The following WDR90 variants were observed in gnomAD, a reference collection of about 807,000 sequenced individuals.
WDR90 encodes the protein WD repeat-containing protein 90.
A neutral mutation model predicts 195.2 loss-of-function variants in WDR90; 238 were observed. The ratio of observed to expected loss-of-function variants is 1.22; its 90% CI spans 1.10 to 1.36. WDR90 has a LOEUF of 1.36. Ranked by LOEUF, WDR90 falls within the 40% of genes most tolerant of loss-of-function variation. The probability of loss-of-function intolerance (pLI) is 0.00; values close to 1 mark genes in which losing one functional copy is unlikely to be tolerated. For missense variants in WDR90, 2,734 were observed against 2,439.5 expected (o/e 1.12, Z -2.54); for synonymous variants, 1,265 against 1,052.4 (o/e 1.20, Z -3.91).
In WDR90 at chr16:655,351, G is replaced by A. The variant is rs755923953; in HGVS notation, c.1601G>A (p.Arg534His). 39 of 1,602,204 alleles carry A rather than the reference G, an allele frequency of 2.4e-5. No individual in the cohort carries two copies. Among genetic ancestry groups the A allele is most frequent in the South Asian group, 9.9e-5 (9 of 90,934 alleles). The change falls in exon 15 of 41, where the codon CGT becomes CAT. Residue 534 changes from arginine (R) to histidine (H), a missense_variant. Coordinates refer to ENST00000293879, the MANE Select transcript of WDR90 (RefSeq NM_145294.5). ...GQGSVRLWRL[R>H]GGVLRSCPVD... The stretch of plus-strand genomic sequence containing the variant: ...GGCAGTGTGCGGCTCTGGCGGCTGC[G>A]TGGCGGGGTGCTGCGTTCCTGCCCC...
rs750251087 is a variant in WDR90 at position 666,777 on chromosome 16, C to T, written c.4989C>T (p.Asn1663=). The T allele has an allele frequency of 2.4e-5, 39 of 1,612,858 alleles. No individual in the cohort carries two copies. Among genetic ancestry groups the T allele is most frequent in the East Asian group, 6.7e-5 (3 of 44,882 alleles). ...TTTACAAGGAGGTGATCATCTACAA[C>T]CTCTGCCAGAAGCAGGTACACGCAG... is the stretch of plus-strand genomic sequence containing the variant. The part of the protein sequence containing the change: ...PGVYKEVIIY[N]LCQKQVVEKI... Residue 1663 remains asparagine (N), a synonymous_variant, in exon 39 of 41, where the codon AAC becomes AAT. Transcript: ENST00000293879.
At chr16:665,475 C>T (rs1430062449) in intron 34 of WDR90, 5 of 743,880 alleles carry the variant, frequency 6.7e-6, no homozygotes, top group Non-Finnish European at 8.7e-6. Flanking sequence ...AGTGGGCTTG[C>T]TTTGGTTTGG....
chr16:667,118 T>C, intron 40 of WDR90, 129 bp downstream of exon 40: 1 of 1,031,812 alleles, frequency 9.7e-7, no homozygotes, highest in South Asian at 1.4e-5. Flanking sequence ...GGTGAGGACA[T>C]CTGCCCTAGA....
At chr16:649,658 C>T (rs1015661260) in intron 1 of WDR90, 105 bp from the exon 2 acceptor site, 230 of 1,216,966 alleles carry the variant, frequency 1.9e-4, no homozygotes, top group Non-Finnish European at 1.5e-4. Context: ...GGGGAAGGCG[C>T]GGAGAGCCCC....
intron 32 of WDR90, 72 bp from the exon 33 acceptor site, chr16:662,148 G>A (rs949569082): frequency 1.2e-4 from 179 of 1,532,714 alleles, no homozygotes; most frequent in Admixed American, 3.3e-4. Context: ...TAGCCCTGGC[G>A]TCCGGGCAGC....
intron 8 of WDR90, 26 bp downstream of exon 8, chr16:651,773 A>G: frequency 6.2e-7 from 1 of 1,612,656 alleles, no homozygotes; most frequent in Non-Finnish European, 8.5e-7. Context: ...GCCCTATGAG[A>G]TGGGGTTGGG....
rs752490026 is a variant in WDR90, at chr16:666,121, G to A, written c.4606G>A (p.Asp1536Asn). The A allele has an allele frequency of 5.0e-6, 8 of 1,609,380 alleles. No individual in the cohort carries two copies. Among genetic ancestry groups the A allele is most frequent in the East Asian group, 4.5e-5 (2 of 44,790 alleles). Residue 1536 changes from aspartate to asparagine, a missense_variant, in exon 36 of 41, where the codon GAT (aspartate) becomes AAT (asparagine). Physicochemically the swap from Asp to Asn is conservative, Grantham distance 23. Coordinates refer to ENST00000293879, the MANE Select transcript of WDR90 (RefSeq NM_145294.5). ...VALTTVAFST[D>N]GQTVLSGDKD... ...GCTGACCACTGTTGCCTTCTCCACC[G>A]ATGGTGAGGAGTTGGGTGTGTTGGG...
intron 26 of WDR90, among the ~76,000 whole-genome samples, chr16:659,714 G>A (rs1318151884): frequency 6.6e-6 from 1 of 152,222 alleles, no homozygotes; most frequent in Admixed American, 6.5e-5. Flanking sequence ...CGGAGGAGGA[G>A]GCTGGCAGGG....
At position 665,962 on chromosome 16, in the gene WDR90, C is replaced by G; in HGVS notation, c.4447C>G (p.Leu1483Val). The G allele has an allele frequency of 6.3e-7, 1 of 1,590,544 alleles. No homozygotes were observed. Among genetic ancestry groups the G allele is most frequent in the Non-Finnish European group, 8.5e-7 (1 of 1,170,416 alleles). ...TGTGGGTCCCCAGAGCTGCCTCTGC[C>G]TGGCATGGAGCCCCCCGTGCTGTGG... ...FQVLNQSCLC[L>V]AWSPPCCGRP... Residue 1483 changes from leucine to valine, a missense_variant, in exon 36 of 41, where the codon CTG becomes GTG. By Grantham distance (32) the Leu-to-Val change is conservative. Transcript: ENST00000293879.
chr16:661,759 A>T lies in WDR90; in HGVS notation c.3836A>T (p.Gln1279Leu), dbSNP rs181961248. ...GQGTVTFWLL[Q>L]QRGADISLQV... ...GGCACTGTCACCTTCTGGCTCCTTC[A>T]GCAGCGTGGGGCAGACATCAGCCTT... Residue 1279 changes from glutamine (Q) to leucine (L), a missense_variant, in exon 31 of 41, where the codon CAG (glutamine) becomes CTG (leucine). Physicochemically the swap from Gln to Leu is moderately radical, Grantham distance 113. Transcript: ENST00000293879. The T allele has an allele frequency of 1.9e-6, 3 of 1,607,788 alleles. No homozygotes were observed. The Admixed American group carries it at 5.1e-5, about 27-fold the overall frequency.
chr16:664,829 G>A (rs2037990025), intron 34 of WDR90, among the ~76,000 whole-genome samples: 1 of 151,884 alleles, frequency 6.6e-6, no homozygotes, highest in Non-Finnish European at 1.5e-5. Flanking sequence ...ACAGGCACCC[G>A]CCACCACGCC....
At position 660,129 on chromosome 16, in the gene WDR90, G is replaced by A. The variant is rs947780035; in HGVS notation, c.3256G>A (p.Ala1086Thr). ...YLASCKAFTP[A>T]RVSCSPHSAK... ...GGCTTCCTGCAAGGCCTTCACGCCT[G>A]CCAGGGTCAGCTGCAGCCCCCACTC... Residue 1086 changes from alanine to threonine, a missense_variant, in exon 27 of 41, where the codon GCC (alanine) becomes ACC (threonine). Physicochemically the swap from Ala to Thr is moderately conservative, Grantham distance 58. Transcript: ENST00000293879. The A allele has an allele frequency of 3.4e-5, 52 of 1,539,674 alleles. No homozygotes were observed. Among genetic ancestry groups the A allele is most frequent in the Non-Finnish European group, 4.5e-5 (51 of 1,140,016 alleles).
rs760067723 is a variant in WDR90, at chr16:650,693, C to G, written c.543C>G (p.Asp181Glu). 1 of 1,609,628 alleles carries G rather than the reference C, an allele frequency of 6.2e-7. No homozygotes were observed. Among genetic ancestry groups the G allele is most frequent in the Non-Finnish European group, 8.5e-7 (1 of 1,177,326 alleles). The change falls in exon 5 of 41, where the codon GAC becomes GAG. Residue 181 changes from aspartate to glutamate, a missense_variant. Coordinates refer to ENST00000293879, the MANE Select transcript of WDR90 (RefSeq NM_145294.5). The part of the protein sequence containing the change: ...SLLVRNLYTS[D>E]LCFEPAISGA... Reference sequence around the variant, plus strand: ...TGGTCAGGAACCTGTACACCAGTGACCTGTGCTTTGAGCCTGGTGAGGGCC... The same window carrying G: ...TGGTCAGGAACCTGTACACCAGTGAGCTGTGCTTTGAGCCTGGTGAGGGCC...
At position 660,971 on chromosome 16, in the gene WDR90, CTGT is replaced by C. The variant is rs1567220500; in HGVS notation, c.3392-78_3392-76del. On this transcript the variant is annotated intron_variant, in intron 28 of 40. Transcript: ENST00000293879. ...CACGGCTCGGCCCAGGCCCCGCCCC[CTGT>C]TCGGCCCCTCCCCAGGCCCCTCCCC... 1.9e-5 allele frequency: 8 copies of C among 426,486 alleles called. 1 individual carries two copies. Among genetic ancestry groups the C allele is most frequent in the South Asian group, 4.0e-5 (1 of 24,892 alleles). The allele number at this position is 426,486 out of a possible 1,614,324, so 26.4% of individuals were successfully genotyped here. A position where few individuals can be genotyped will look rare whatever the true frequency, so the allele number is the denominator to read the frequency against.
chr16:665,693 C>T lies in WDR90; in HGVS notation c.4326C>T (p.Val1442=). The change falls in exon 35 of 41, where the codon GTC becomes GTT. Residue 1442 remains valine (V), a synonymous_variant. Coordinates refer to ENST00000293879, the MANE Select transcript of WDR90 (RefSeq NM_145294.5). The part of the protein sequence containing the change: ...SGHRSKVNEV[V]FSPGESHCAT... ...GCTTCCCCCAGGTGAACGAGGTGGT[C>T]TTCAGCCCCGGGGAGTCCCACTGCG... is the stretch of plus-strand genomic sequence containing the variant. The T allele has an allele frequency of 6.2e-7, 1 of 1,612,690 alleles. No homozygotes were observed. Among genetic ancestry groups the T allele is most frequent in the Non-Finnish European group, 8.5e-7 (1 of 1,179,908 alleles).
In WDR90 at chr16:664,327, C is replaced by A. The variant is rs529064228; in HGVS notation, c.4312-1352C>A. On this transcript the variant is annotated intron_variant, in intron 34 of 40. Coordinates refer to ENST00000293879, the MANE Select transcript of WDR90 (RefSeq NM_145294.5). ...ATTCTGTAGGAACTGGCTCACCTGG[C>A]TTCTCACCCTGAGCATGGTTTCCAG... 1.4e-4 allele frequency among the ~76,000 whole-genome samples: 21 copies of A among 152,340 alleles called. No homozygotes were observed. In the South Asian group the frequency reaches 4.1e-3, roughly 30 times the overall value.
In WDR90 at chr16:649,756, C is replaced by T; in HGVS notation, c.11-7C>T. 2 of 1,551,966 alleles carry T rather than the reference C, an allele frequency of 1.3e-6. No homozygotes were observed. Among genetic ancestry groups the T allele is most frequent in the Non-Finnish European group, 1.7e-6 (2 of 1,148,512 alleles). Reference sequence around the variant, plus strand: ...GTCCCCTGACGCCCGGCGCCCGCTCCCCGCAGCGTGGCAGCACCCGTTCCT... The same window carrying T: ...GTCCCCTGACGCCCGGCGCCCGCTCTCCGCAGCGTGGCAGCACCCGTTCCT... On this transcript the variant is annotated splice_region_variant and splice_polypyrimidine_tract_variant and intron_variant, in intron 1 of 40. Coordinates refer to ENST00000293879, the MANE Select transcript of WDR90 (RefSeq NM_145294.5).
chr16:665,806 G>C lies in WDR90; in HGVS notation c.4434+5G>C. On this transcript the variant is annotated splice_donor_5th_base_variant and intron_variant, in intron 35 of 40. Coordinates refer to ENST00000293879, the MANE Select transcript of WDR90 (RefSeq NM_145294.5). ...CAGTTCCAGGTGCTGAACCAGGTGT[G>C]TGGGGAGTGCCCGGGCCGGGGGCGG... The C allele has an allele frequency of 6.3e-7, 1 of 1,580,634 alleles. No homozygotes were observed. The highest frequency in any genetic ancestry group is 1.1e-5 in the South Asian group (1 of 87,246).
rs554663281 is a variant in WDR90, at chr16:655,544, C to G, written c.1719-29C>G. On this transcript the variant is annotated intron_variant, in intron 15 of 40. Transcript: ENST00000293879. ...CCTGGGCCTCCCCTTCCCTGAGGGC[C>G]TCACCTTCCCTGCCGCCTCCTCGGG... 2.4e-4 allele frequency: 370 copies of G among 1,562,052 alleles called. 2 individuals carry two copies. In the South Asian group the frequency reaches 4.4e-3, roughly 18 times the overall value.
Sources: gnomAD v4.1 joint callset for allele counts (sites outside exome capture counted in the v4.1 genomes callset) on GRCh38, gnomAD v4.1.1 for gene constraint, MANE v1.5 for transcripts, NCBI Gene and HGNC (gene_info 2026-07-23, HGNC 2026-07-21) for gene names.